The following ZNF573 variants were observed in gnomAD, a reference collection of about 807,000 sequenced individuals.
The protein encoded by ZNF573 is zinc finger protein 573.
A neutral mutation model predicts 57.4 loss-of-function variants in ZNF573; 41 were observed. The ratio of observed to expected loss-of-function variants is 0.71; its 90% CI spans 0.56 to 0.93. ZNF573 has a LOEUF of 0.93. Among genes scored for constraint, ZNF573 ranks in the 40% least tolerant of loss-of-function variants. The probability of loss-of-function intolerance (pLI) is 0.00; values close to 1 mark genes in which losing one functional copy is unlikely to be tolerated. For missense variants in ZNF573, 730 were observed against 794.8 expected (o/e 0.92, Z 0.98); for synonymous variants, 249 against 261.0 (o/e 0.95, Z 0.44).
intron 4 of ZNF573, among the ~76,000 whole-genome samples, chr19:37,758,234 T>A (rs1481898127): frequency 0.39 from 27,329 of 69,828 alleles, 8,785 homozygotes; most frequent in Non-Finnish European, 0.49. Flanking sequence ...TATATATATA[T>A]ATATATATAT....
intron 4 of ZNF573, among the ~76,000 whole-genome samples, chr19:37,766,017 G>A (rs1340224229): frequency 6.6e-6 from 1 of 151,900 alleles, no homozygotes; most frequent in African/African-American, 2.4e-5. Context: ...TTCAGCCTGG[G>A]CGACAAGAGC....
intron 4 of ZNF573, among the ~76,000 whole-genome samples, chr19:37,760,128 G>A (rs2045537245): frequency 6.6e-6 from 1 of 152,160 alleles, no homozygotes; most frequent in African/African-American, 2.4e-5. Context: ...TACGTACATA[G>A]CTGCCAGTTC....
chr19:37,739,602 A>G lies in ZNF573; in HGVS notation c.888T>C (p.His296=), dbSNP rs750969183. ...RSNLVEHGQF[H]TDEKPYICEK... The stretch of plus-strand genomic sequence containing the variant: ...CACATATGTATGGCTTCTCATCAGT[A>G]TGAAACTGCCCATGTTCAACAAGAT... Residue 296 remains histidine, a synonymous_variant, in exon 5 of 5, where the codon CAT becomes CAC. Transcript: ENST00000536220. 2 of 1,614,066 alleles carry G rather than the reference A, an allele frequency of 1.2e-6. No homozygotes were observed. Among genetic ancestry groups the G allele is most frequent in the Non-Finnish European group, 1.7e-6 (2 of 1,179,998 alleles).
chr19:37,747,921 C>G (rs1030469510), intron 4 of ZNF573, among the ~76,000 whole-genome samples: 5 of 152,088 alleles, frequency 3.3e-5, no homozygotes, highest in Non-Finnish European at 7.4e-5. Context: ...CTCCTGACCT[C>G]GTGATCCACC....
intron 1 of ZNF573, among the ~76,000 whole-genome samples, chr19:37,775,570 G>C (rs2045699995): frequency 6.6e-6 from 1 of 151,912 alleles, no homozygotes; most frequent in South Asian, 2.1e-4. Flanking sequence ...TTTTAAAGTA[G>C]TGACTAGTCC....
chr19:37,767,057 T>C (rs578185116), intron 4 of ZNF573, among the ~76,000 whole-genome samples: 1 of 152,278 alleles, frequency 6.6e-6, no homozygotes, highest in African/African-American at 2.4e-5. Flanking sequence ...TACATACAAG[T>C]AACAACGTTA....
At chr19:37,750,480 G>A (rs1168086728) in intron 4 of ZNF573, among the ~76,000 whole-genome samples, 1 of 152,066 alleles carries the variant, frequency 6.6e-6, no homozygotes, top group Non-Finnish European at 1.5e-5. Flanking sequence ...TAATTGATAA[G>A]AGATAAAATA....
At chr19:37,765,663 T>C (rs1347377795) in intron 4 of ZNF573, among the ~76,000 whole-genome samples, 2 of 151,760 alleles carry the variant, frequency 1.3e-5, no homozygotes, top group Non-Finnish European at 2.9e-5. Context: ...TGAGCTGAGA[T>C]TGTGCCATTG....
chr19:37,777,627 G>A (rs2045721583), intron 1 of ZNF573, among the ~76,000 whole-genome samples: 1 of 151,786 alleles, frequency 6.6e-6, no homozygotes, highest in Admixed American at 6.6e-5. Flanking sequence ...TGATATAATG[G>A]ATCTCAGGAG....
In ZNF573 at chr19:37,738,640, T is replaced by C. The variant is rs202155867; in HGVS notation, c.1850A>G (p.Lys617Arg). 38 of 1,611,914 alleles carry C rather than the reference T, an allele frequency of 2.4e-5. No homozygotes were observed. Among genetic ancestry groups the C allele is most frequent in the Non-Finnish European group, 2.9e-5 (34 of 1,179,144 alleles). ...AAGGTTTGAAGCACGACTGAAGGCCTTCCCACATTCTTTACATTCATAAGG... is the reference window on the plus strand; with the variant it reads ...AAGGTTTGAAGCACGACTGAAGGCCCTCCCACATTCTTTACATTCATAAGG... ...GKPYECKECGKAFSRASNLVQ... is the reference protein window; with the variant it reads ...GKPYECKECGRAFSRASNLVQ... The change falls in exon 5 of 5, where the codon AAG becomes AGG. Residue 617 changes from lysine to arginine, a missense_variant. Coordinates refer to ENST00000536220, the MANE Select transcript of ZNF573 (RefSeq NM_001172690.2).
intron 3 of ZNF573, chr19:37,770,302 A>G (rs1441904472): frequency 4.6e-6 from 2 of 435,854 alleles, no homozygotes; most frequent in Non-Finnish European, 8.0e-6. Context: ...TTAACCTGTG[A>G]CCTTATAAAA....
At chr19:37,765,671 T>C (rs181322375) in intron 4 of ZNF573, among the ~76,000 whole-genome samples, 3 of 151,792 alleles carry the variant, frequency 2.0e-5, no homozygotes, top group Middle Eastern at 3.4e-3. Flanking sequence ...GATTGTGCCA[T>C]TGCACTCCAG....
intron 4 of ZNF573, among the ~76,000 whole-genome samples, chr19:37,753,644 T>C (rs922884496): frequency 4.6e-5 from 7 of 152,138 alleles, no homozygotes; most frequent in African/African-American, 1.7e-4. Context: ...ATGAATTATA[T>C]ATTAAAAAGC....
Position 37,772,152 on chromosome 19 carries a change from T to G in ZNF573, c.70-456A>C, listed in dbSNP as rs187180269. ...GTTTTGTGCTATTTATTTATTTTTT[T>G]GGGGACGGGGTCTCACTCCTGCCCA... On this transcript the variant is annotated intron_variant, in intron 2 of 4. Coordinates refer to ENST00000536220, the MANE Select transcript of ZNF573 (RefSeq NM_001172690.2). Among the ~76,000 whole-genome samples, 13 of 152,282 alleles carry G rather than the reference T, an allele frequency of 8.5e-5. No homozygotes were observed. In the East Asian group the frequency reaches 1.7e-3, roughly 20 times the overall value.
At chr19:37,769,054 A>AC (rs1406087026) in intron 4 of ZNF573, among the ~76,000 whole-genome samples, 7 of 150,172 alleles carry the variant, frequency 4.7e-5, no homozygotes. Flanking sequence ...AACCTCTGCC[A>AC]CCTGGGTTCA....
chr19:37,744,254 T>G (rs765032945), intron 4 of ZNF573, among the ~76,000 whole-genome samples: 1 of 151,794 alleles, frequency 6.6e-6, no homozygotes, highest in Non-Finnish European at 1.5e-5. Flanking sequence ...CTTGAGAGAT[T>G]AGGAAAAGGA....
chr19:37,773,618 C>A, intron 2 of ZNF573, 43 bp downstream of exon 2: 1 of 1,469,532 alleles, frequency 6.8e-7, no homozygotes. Context: ...TCCACATAAC[C>A]TATGATCATG....
chr19:37,748,920 T>A (rs1376684677), intron 4 of ZNF573, among the ~76,000 whole-genome samples: 1 of 118,760 alleles, frequency 8.4e-6, no homozygotes, highest in Non-Finnish European at 1.8e-5. Context: ...GAGCAAGACT[T>A]GGTCTCAAAA....
At chr19:37,750,638 T>C (rs377663852) in intron 4 of ZNF573, among the ~76,000 whole-genome samples, 156 of 152,002 alleles carry the variant, frequency 1.0e-3, no homozygotes, top group African/African-American at 3.4e-3. Context: ...ATTTTAGCAA[T>C]TGTATAAAAA....
Sources: allele counts gnomAD v4.1 joint callset (sites outside exome capture counted in the v4.1 genomes callset), GRCh38; gene constraint gnomAD v4.1.1; transcripts MANE v1.5; gene names NCBI Gene and HGNC (gene_info 2026-07-23, HGNC 2026-07-21).